Variants in EMSY observed in about 807,000 individuals in gnomAD.
The protein encoded by EMSY is BRCA2-interacting transcriptional repressor EMSY.
EMSY carries 26 observed loss-of-function variants against 134.6 expected under a neutral mutation model. That is an observed-to-expected ratio of 0.19 (90% CI 0.14 to 0.27). The LOEUF is 0.27. Ranked by LOEUF, EMSY falls within the 10% of genes least tolerant of loss-of-function variation. The pLI, the probability that EMSY is intolerant of heterozygous loss-of-function variation, is 1.00. For missense variants in EMSY, 1,305 were observed against 1,611.4 expected, an observed-to-expected ratio of 0.81 and a Z score of 3.26; for synonymous variants, 579 against 577.8, an observed-to-expected ratio of 1.00 and a Z score of -0.03.
intron 8 of EMSY, among the ~76,000 whole-genome samples, chr11:76,495,058 A>T (rs954354314): frequency 6.6e-6 from 1 of 152,128 alleles, no homozygotes; most frequent in African/African-American, 2.4e-5. Flanking sequence ...AGTGTCCCTC[A>T]GTCTGTGATT....
At chr11:76,446,311 ATGTGTGTG>A (rs10546407) in intron 1 of EMSY, among the ~76,000 whole-genome samples, 1 of 139,840 alleles carries the variant, frequency 7.2e-6, no homozygotes, top group South Asian at 2.2e-4. Context: ...GTATATATAT[ATGTGTGTG>A]TGTGTATATA....
intron 16 of EMSY, 114 bp from the exon 18 acceptor site, chr11:76,539,485 T>A: frequency 2.0e-6 from 2 of 1,012,292 alleles, no homozygotes; most frequent in Non-Finnish European, 3.0e-6. Flanking sequence ...AGAAAGCTAA[T>A]TCAAGCAGAG....
intron 10 of EMSY, 24 bp downstream of exon 11, chr11:76,513,559 C>T: frequency 6.2e-7 from 1 of 1,608,952 alleles, no homozygotes; most frequent in Non-Finnish European, 8.5e-7. Flanking sequence ...AGCATCAGTT[C>T]ATTTATTCAT....
At chr11:76,462,869 T>C (rs1948181488) in intron 6 of EMSY, among the ~76,000 whole-genome samples, 1 of 152,232 alleles carries the variant, frequency 6.6e-6, no homozygotes, top group South Asian at 2.1e-4. Flanking sequence ...TTTTAGGCAG[T>C]GCATAGGCAT....
At chr11:76,547,920 C>G (rs1204118004) in intron 20 of EMSY, among the ~76,000 whole-genome samples, 1 of 152,180 alleles carries the variant, frequency 6.6e-6, no homozygotes, top group African/African-American at 2.4e-5. Flanking sequence ...GAGGTAAGGA[C>G]AGCAGAGTGA....
At chr11:76,447,135 C>A in intron 2 of EMSY, 127 bp downstream of exon 2, 1 of 823,246 alleles carries the variant, frequency 1.2e-6, no homozygotes, top group East Asian at 2.7e-5. Context: ...GATACAGTTC[C>A]CATCTTACTC....
intron 18 of EMSY, among the ~76,000 whole-genome samples, chr11:76,543,934 G>A (rs1349498916): frequency 6.6e-6 from 1 of 152,190 alleles, no homozygotes; most frequent in Non-Finnish European, 1.5e-5. Context: ...GAATAGGCCA[G>A]ACGGCTGTTT....
chr11:76,549,479 A>G (rs1245746292), intron 20 of EMSY, among the ~76,000 whole-genome samples: 1 of 146,898 alleles, frequency 6.8e-6, no homozygotes, highest in Admixed American at 6.7e-5. Flanking sequence ...CTTGCAGATA[A>G]TAAAGGGCAA....
At chr11:76,521,060 G>T (rs1473521896) in intron 11 of EMSY, among the ~76,000 whole-genome samples, 1 of 152,134 alleles carries the variant, frequency 6.6e-6, no homozygotes, top group Non-Finnish European at 1.5e-5. Context: ...TAAAGGAGAG[G>T]CGTATGTTAG....
intron 15 of EMSY, 21 bp downstream of exon 16, chr11:76,536,080 T>C (rs373335533): frequency 9.5e-6 from 14 of 1,476,530 alleles, no homozygotes; most frequent in Admixed American, 2.2e-5. Context: ...ACATGCTCAA[T>C]TGAATGAAGC....
chr11:76,463,716 C>A, intron 6 of EMSY, 105 bp from the exon 8 acceptor site: 1 of 1,296,162 alleles, frequency 7.7e-7, no homozygotes, highest in Admixed American at 2.1e-5. Context: ...TGGCTAATGG[C>A]TTAAGACAGA....
intron 9 of EMSY, among the ~76,000 whole-genome samples, chr11:76,503,300 CAAAAAAAAAAAA>C (rs61098325): frequency 5.7e-5 from 4 of 70,796 alleles, no homozygotes; most frequent in Admixed American, 3.6e-4. Flanking sequence ...GGCGTGGTCT[CAAAAAAAAAAAA>C]AAAAAAAAAA....
intron 11 of EMSY, among the ~76,000 whole-genome samples, chr11:76,522,432 A>G (rs1179512243): frequency 1.6e-5 from 2 of 127,070 alleles, no homozygotes; most frequent in Non-Finnish European, 3.1e-5. Flanking sequence ...CAGTGGCGCA[A>G]TCTCAGCTCA....
intron 8 of EMSY, among the ~76,000 whole-genome samples, chr11:76,494,559 G>A (rs1949550366): frequency 1.3e-5 from 2 of 152,142 alleles, no homozygotes; most frequent in South Asian, 2.1e-4. Context: ...TATTCAGGAA[G>A]GAGTGGGGAA....
chr11:76,470,587 G>A (rs10899221), intron 7 of EMSY, among the ~76,000 whole-genome samples: 8,581 of 151,938 alleles, frequency 0.056, 345 homozygotes, highest in South Asian at 0.092. Context: ...CTAACACTCC[G>A]GTGCAGGCAG....
chr11:76,510,489 C>T (rs1392714730), intron 9 of EMSY, among the ~76,000 whole-genome samples: 3 of 152,212 alleles, frequency 2.0e-5, no homozygotes, highest in Non-Finnish European at 4.4e-5. Context: ...CAGACCCCTG[C>T]TTTACGCACT....
intron 8 of EMSY, among the ~76,000 whole-genome samples, chr11:76,491,182 T>TC (rs923468160): frequency 1.4e-5 from 2 of 148,092 alleles, no homozygotes; most frequent in South Asian, 2.1e-4. Flanking sequence ...TTTTTCTTTT[T>TC]TTTTTTTTTT....
chr11:76,536,133 TTATTATTTATTATTAC>T lies in EMSY; in HGVS notation c.2359+90_2359+105del, dbSNP rs1430348852. ...GGGTTGTGCTAAAATACTACCACTG[TTATTATTTATTATTAC>T]TATTATTTATTATTATTATTGCTAT... On this transcript the variant is annotated intron_variant, in intron 15 of 20. Coordinates refer to ENST00000334736, the Ensembl canonical transcript of EMSY. The T allele has an allele frequency of 2.1e-4, 186 of 887,146 alleles. 3 individuals carry two copies. The East Asian group carries it at 6.0e-3, about 29-fold the overall frequency. The allele number at this position is 887,146 out of a possible 1,614,324, so 55.0% of individuals were successfully genotyped here.
intron 9 of EMSY, among the ~76,000 whole-genome samples, chr11:76,509,620 T>G (rs1306452606): frequency 6.6e-6 from 1 of 152,232 alleles, no homozygotes; most frequent in Non-Finnish European, 1.5e-5. Flanking sequence ...CAATTTAATT[T>G]TATGTACTGA....
Sources: gnomAD v4.1 joint callset for allele counts (sites outside exome capture counted in the v4.1 genomes callset) on GRCh38, gnomAD v4.1.1 for gene constraint, MANE v1.5 for transcripts, NCBI Gene and HGNC (gene_info 2026-07-23, HGNC 2026-07-21) for gene names.